Variants in WWC1 observed in about 807,000 individuals in gnomAD.
WWC1 encodes protein KIBRA.
A neutral mutation model predicts 138.4 loss-of-function variants in WWC1; 55 were observed. The observed-to-expected ratio is 0.40, with a 90% CI of 0.32 to 0.50. The LOEUF is 0.50. Among genes scored for constraint, WWC1 ranks in the 20% least tolerant of loss-of-function variants. WWC1 has a pLI of 0.72. For synonymous variants in WWC1, 524 were observed against 564.9 expected (o/e 0.93, Z 1.03); for missense variants, 1,226 against 1,420.4 (o/e 0.86, Z 2.20).
intron 1 of WWC1, among the ~76,000 whole-genome samples, chr5:168,329,799 A>G (rs1001323499): frequency 6.6e-6 from 1 of 152,194 alleles, no homozygotes; most frequent in Non-Finnish European, 1.5e-5. Flanking sequence ...AATGATAGAA[A>G]GCAATATTAC....
intron 9 of WWC1, among the ~76,000 whole-genome samples, chr5:168,417,027 C>T (rs1169863236): frequency 6.6e-6 from 1 of 152,024 alleles, no homozygotes; most frequent in Non-Finnish European, 1.5e-5. Context: ...ACCACCACAC[C>T]CAGCTAATTT....
intron 1 of WWC1, among the ~76,000 whole-genome samples, chr5:168,368,192 G>A (rs1776474672): frequency 6.7e-6 from 1 of 150,058 alleles, no homozygotes; most frequent in Non-Finnish European, 1.5e-5. Flanking sequence ...CCGGGTTCAA[G>A]TGCTTCTCCT....
rs1440797669 is a variant in WWC1, at chr5:168,414,854, T to C, written c.1184+264T>C. On this transcript the variant is annotated intron_variant, in intron 9 of 22. Transcript: ENST00000265293. ...TGCAGGTGTTCAAAAATGTATCTTCTGACTCAATTAAGCCACATAACTCTA... is the reference window on the plus strand; with the variant it reads ...TGCAGGTGTTCAAAAATGTATCTTCCGACTCAATTAAGCCACATAACTCTA... The C allele has an allele frequency of 3.9e-5, 19 of 485,454 alleles. No individual in the cohort carries two copies. The East Asian group carries it at 6.4e-4, about 16-fold the overall frequency. 30.1% of individuals were successfully genotyped at this position (485,454 alleles called of 1,614,324 possible).
intron 2 of WWC1, among the ~76,000 whole-genome samples, chr5:168,372,024 AGAGAGAG>A: frequency 1.5e-5 from 1 of 66,796 alleles, no homozygotes; most frequent in Non-Finnish European, 3.6e-5. Context: ...TGAATTGGCG[AGAGAGAG>A]AGAGAGAGAG....
At chr5:168,349,045 A>C (rs1474314083) in intron 1 of WWC1, among the ~76,000 whole-genome samples, 1 of 152,130 alleles carries the variant, frequency 6.6e-6, no homozygotes, top group African/African-American at 2.4e-5. Flanking sequence ...CAGCAAGGTT[A>C]ATACGCCCGA....
intron 1 of WWC1, among the ~76,000 whole-genome samples, chr5:168,362,012 G>A (rs1775916073): frequency 6.6e-6 from 1 of 152,180 alleles, no homozygotes; most frequent in South Asian, 2.1e-4. Flanking sequence ...GAACCCGGGA[G>A]GCAGAGGTTG....
At chr5:168,410,515 A>G (rs531398646) in intron 8 of WWC1, among the ~76,000 whole-genome samples, 2 of 152,352 alleles carry the variant, frequency 1.3e-5, no homozygotes. Context: ...TAATAATCAA[A>G]GCTGACATTT....
intron 15 of WWC1, among the ~76,000 whole-genome samples, chr5:168,434,052 A>G (rs7718568): frequency 0.52 from 79,660 of 152,132 alleles, 21,963 homozygotes; most frequent in East Asian, 0.84. Context: ...GAGCCCAGAG[A>G]TGGGGGTGGT....
Position 168,431,318 on chromosome 5 carries a change from G to A in WWC1, c.2154G>A (p.Leu718=), listed in dbSNP as rs762477202. The change falls in exon 15 of 23, where the codon CTG becomes CTA. Residue 718 remains leucine, a synonymous_variant. Transcript: ENST00000265293. ...STTCLFRTRP[L]DASDTLVFNE... ...CCTGCCTGTTCCGGACCCGGCCTCTGGACGCCTCAGACACTCTAGTGTTCA... is the reference window on the plus strand; with the variant it reads ...CCTGCCTGTTCCGGACCCGGCCTCTAGACGCCTCAGACACTCTAGTGTTCA... 1.9e-6 allele frequency: 3 copies of A among 1,614,128 alleles called. No individual in the cohort carries two copies. In the East Asian group the frequency reaches 6.7e-5, roughly 36 times the overall value.
At chr5:168,381,915 T>C (rs987830314) in intron 2 of WWC1, among the ~76,000 whole-genome samples, 3 of 151,756 alleles carry the variant, frequency 2.0e-5, no homozygotes, top group African/African-American at 7.3e-5. Flanking sequence ...AGAACAGAAA[T>C]TACCTGCCTT....
intron 19 of WWC1, among the ~76,000 whole-genome samples, chr5:168,456,626 A>G (rs561547000): frequency 3.3e-5 from 5 of 152,228 alleles, no homozygotes; most frequent in South Asian, 2.1e-4. Context: ...GCAAAACTCT[A>G]TCTCAAAAAG....
chr5:168,443,017 C>T (rs1017125433), intron 16 of WWC1, among the ~76,000 whole-genome samples: 2 of 152,142 alleles, frequency 1.3e-5, no homozygotes, highest in Non-Finnish European at 2.9e-5. Context: ...CTCAGTTGAG[C>T]AGTGAAGTTA....
At chr5:168,302,411 A>G (rs1364529097) in intron 1 of WWC1, among the ~76,000 whole-genome samples, 1 of 152,210 alleles carries the variant, frequency 6.6e-6, no homozygotes, top group Non-Finnish European at 1.5e-5. Context: ...AGACTGGGAA[A>G]TAGTTAAATA....
intron 2 of WWC1, among the ~76,000 whole-genome samples, chr5:168,372,133 T>G (rs547435120): frequency 6.6e-6 from 1 of 151,680 alleles, no homozygotes; most frequent in East Asian, 1.9e-4. Flanking sequence ...TCACTTCATA[T>G]CTGTGATCCA....
At chr5:168,458,247 G>A (rs1350310446) in intron 19 of WWC1, among the ~76,000 whole-genome samples, 2 of 152,184 alleles carry the variant, frequency 1.3e-5, no homozygotes, top group Non-Finnish European at 2.9e-5. Context: ...TATAGACACA[G>A]AAGCTAAGAC....
chr5:168,399,378 C>CATT, intron 4 of WWC1, 110 bp from the exon 5 acceptor site: 2 of 1,108,496 alleles, frequency 1.8e-6, no homozygotes, highest in Admixed American at 2.0e-5. Context: ...TGACCTGAGT[C>CATT]ATTATGCAGG....
At position 168,362,681 on chromosome 5, in the gene WWC1, A is replaced by G. The variant is rs868293483; in HGVS notation, c.120-8743A>G. ...AAATCTTAAACCCAACAGGCAGCAC[A>G]CAGAGGGGATTAGCAGCCTGGATTC... is the stretch of plus-strand genomic sequence containing the variant. On this transcript the variant is annotated intron_variant, in intron 1 of 22. Coordinates refer to ENST00000265293, the MANE Select transcript of WWC1 (RefSeq NM_015238.3). 1.1e-4 allele frequency among the ~76,000 whole-genome samples: 16 copies of G among 152,368 alleles called. No individual in the cohort carries two copies. In the Middle Eastern group the frequency reaches 0.01, roughly 97 times the overall value.
At chr5:168,321,587 T>A (rs543137545) in intron 1 of WWC1, among the ~76,000 whole-genome samples, 9 of 148,370 alleles carry the variant, frequency 6.1e-5, no homozygotes, top group African/African-American at 2.2e-4. Context: ...CAGGCTGGAG[T>A]GCAATGATGA....
In WWC1 at chr5:168,414,462, G is replaced by T; in HGVS notation, c.1056G>T (p.Lys352Asn). 4.4e-6 allele frequency: 7 copies of T among 1,573,080 alleles called. No homozygotes were observed. Among genetic ancestry groups the T allele is most frequent in the Non-Finnish European group, 6.0e-6 (7 of 1,158,356 alleles). Residue 352 changes from lysine to asparagine, a missense_variant, in exon 9 of 23, where the codon AAG becomes AAT. Transcript: ENST00000265293. ...ILINEKEELL[K>N]EMRFISPRKW... ...TCAACGAGAAGGAGGAGCTGCTGAA[G>T]GAGATGCGCTTCATCAGCCCCCGCA...
Sources: gnomAD v4.1 joint callset for allele counts (sites outside exome capture counted in the v4.1 genomes callset) on GRCh38, gnomAD v4.1.1 for gene constraint, MANE v1.5 for transcripts, NCBI Gene and HGNC (gene_info 2026-07-23, HGNC 2026-07-21) for gene names.